The following DLG2 variants were observed in gnomAD, a reference collection of about 807,000 sequenced individuals.
DLG2 encodes disks large homolog 2.
In DLG2, 45 loss-of-function variants were observed where a neutral mutation model predicts 132.5. That is an observed-to-expected ratio of 0.34 (90% CI 0.27 to 0.44). The LOEUF (loss-of-function observed/expected upper bound fraction) is 0.44. Among genes scored for constraint, DLG2 ranks in the 20% least tolerant of loss-of-function variants. DLG2 has a pLI of 1.00. For synonymous variants in DLG2, 424 were observed against 419.6 expected (o/e 1.01, Z -0.13); for missense variants, 1,045 against 1,196.9 (o/e 0.87, Z 1.87).
chr11:85,075,011 A>G (rs1013676504), intron 6 of DLG2, among the ~76,000 whole-genome samples: 10 of 151,896 alleles, frequency 6.6e-5, no homozygotes, highest in African/African-American at 2.4e-4. Context: ...GAGGCAGGCA[A>G]TCTAAGGAAG....
intron 3 of DLG2, among the ~76,000 whole-genome samples, chr11:85,478,930 A>G (rs1240588227): frequency 6.6e-6 from 1 of 152,246 alleles, no homozygotes; most frequent in Non-Finnish European, 1.5e-5. Flanking sequence ...GATTCTTAGA[A>G]GAAAACATAA....
intron 6 of DLG2, among the ~76,000 whole-genome samples, chr11:84,843,496 C>T (rs1283614441): frequency 6.6e-6 from 1 of 151,886 alleles, no homozygotes; most frequent in African/African-American, 2.4e-5. Flanking sequence ...CCTCCATCAT[C>T]ATCATCATTA....
At chr11:84,953,800 C>T (rs1029804422) in intron 6 of DLG2, among the ~76,000 whole-genome samples, 3 of 152,098 alleles carry the variant, frequency 2.0e-5, no homozygotes, top group Non-Finnish European at 4.4e-5. Flanking sequence ...TTTCTACAGC[C>T]TACAAGTCTC....
At chr11:83,991,105 TTTTAA>T (rs1471832741) in intron 11 of DLG2, among the ~76,000 whole-genome samples, 1 of 152,224 alleles carries the variant, frequency 6.6e-6, no homozygotes, top group African/African-American at 2.4e-5. Flanking sequence ...GTATGTTTTA[TTTTAA>T]TTTGAGAGAG....
At chr11:84,410,308 C>G (rs1035296875) in intron 7 of DLG2, among the ~76,000 whole-genome samples, 2 of 152,116 alleles carry the variant, frequency 1.3e-5, no homozygotes, top group Non-Finnish European at 2.9e-5. Flanking sequence ...AGGACTCACA[C>G]TGTCAAGCTG....
At chr11:84,722,423 T>C (rs968598339) in intron 6 of DLG2, among the ~76,000 whole-genome samples, 3 of 152,158 alleles carry the variant, frequency 2.0e-5, no homozygotes, top group African/African-American at 7.2e-5. Flanking sequence ...CAAAAGAACA[T>C]ACCAACTTGT....
chr11:83,704,436 T>C (rs2083504404), intron 18 of DLG2, among the ~76,000 whole-genome samples: 1 of 152,148 alleles, frequency 6.6e-6, no homozygotes, highest in Non-Finnish European at 1.5e-5. Context: ...TTTTTAAACA[T>C]GCTTCTGTAT....
chr11:85,297,345 C>T (rs976848875), intron 3 of DLG2, among the ~76,000 whole-genome samples: 6 of 152,082 alleles, frequency 3.9e-5, no homozygotes, highest in African/African-American at 1.2e-4. Flanking sequence ...AAGAACCATC[C>T]GATCAACTGC....
intron 19 of DLG2, among the ~76,000 whole-genome samples, chr11:83,570,299 C>T (rs762733913): frequency 8.5e-5 from 13 of 152,058 alleles, no homozygotes; most frequent in East Asian, 3.9e-4. Context: ...ATATTATTAA[C>T]GTACAGAATA....
chr11:84,923,345 T>C (rs1451450942), intron 6 of DLG2: 4 of 1,224,706 alleles, frequency 3.3e-6, no homozygotes, highest in Non-Finnish European at 4.1e-6. Context: ...CCCAGTAATT[T>C]CAATTAGATG....
chr11:84,868,291 G>A (rs952799113), intron 6 of DLG2, among the ~76,000 whole-genome samples: 1 of 151,494 alleles, frequency 6.6e-6, no homozygotes, highest in South Asian at 2.1e-4. Context: ...GTTCAAATTC[G>A]AGGCTTGCCA....
At chr11:84,201,846 G>T in intron 8 of DLG2, among the ~76,000 whole-genome samples, 1 of 98,604 alleles carries the variant, frequency 1.0e-5, no homozygotes, top group East Asian at 3.3e-4. Flanking sequence ...TTGAGATGGA[G>T]TCTCACTCTG....
chr11:85,118,890 T>C (rs556067), intron 5 of DLG2, among the ~76,000 whole-genome samples: 2 of 151,772 alleles, frequency 1.3e-5, no homozygotes, highest in African/African-American at 4.8e-5. Context: ...TAAAACTATA[T>C]ACATTATAAT....
intron 4 of DLG2, among the ~76,000 whole-genome samples, chr11:85,191,477 G>A (rs536619419): frequency 4.5e-4 from 68 of 152,048 alleles, no homozygotes; most frequent in Middle Eastern, 3.4e-3. Flanking sequence ...GGAATGCAAG[G>A]AAGAAAACAG....
At chr11:83,724,763 G>A (rs2089644433) in intron 18 of DLG2, 2 of 675,358 alleles carry the variant, frequency 3.0e-6, no homozygotes, top group South Asian at 1.6e-5. Flanking sequence ...AAAGGGAGGA[G>A]AATCTGCTGC....
chr11:83,789,575 T>A (rs373663759), intron 17 of DLG2, among the ~76,000 whole-genome samples: 8 of 151,356 alleles, frequency 5.3e-5, no homozygotes, highest in African/African-American at 1.9e-4. Flanking sequence ...TGAGACGAAG[T>A]CTCGCTCTGT....
chr11:83,938,260 T>C (rs11233818), intron 14 of DLG2, among the ~76,000 whole-genome samples: 9,856 of 152,262 alleles, frequency 0.065, 407 homozygotes, highest in East Asian at 0.15. Context: ...TGAAAGCACC[T>C]AATTCTCTTA....
At chr11:85,347,967 CTTTTTTTTTTTT>C (rs35083224) in intron 3 of DLG2, among the ~76,000 whole-genome samples, 8 of 40,398 alleles carry the variant, frequency 2.0e-4, no homozygotes, top group Admixed American at 1.1e-3. Flanking sequence ...CCACACTTAA[CTTTTTTTTTTTT>C]TTTTTTTTTT....
At chr11:83,734,369 TTCCTTCCTTCC>T (rs2091547561) in intron 18 of DLG2, among the ~76,000 whole-genome samples, 6 of 142,962 alleles carry the variant, frequency 4.2e-5, no homozygotes, top group Admixed American at 1.4e-4. Context: ...CCTTCCTTCC[TTCCTTCCTTCC>T]TTCCTTCCTT....
Sources: gnomAD v4.1 joint callset for allele counts (sites outside exome capture counted in the v4.1 genomes callset) on GRCh38, gnomAD v4.1.1 for gene constraint, MANE v1.5 for transcripts, NCBI Gene and HGNC (gene_info 2026-07-23, HGNC 2026-07-21) for gene names.